The following CPED1 variants were observed in gnomAD, a reference collection of about 807,000 sequenced individuals.
The protein encoded by CPED1 is cadherin-like and PC-esterase domain-containing protein 1.
In CPED1, 114 loss-of-function variants were observed where a neutral mutation model predicts 128.2. The ratio of observed to expected loss-of-function variants is 0.89; its 90% confidence interval spans 0.76 to 1.04. CPED1 has a LOEUF of 1.04. Among genes scored for constraint, CPED1 ranks in the 50% least tolerant of loss-of-function variants. CPED1 has a pLI of 0.00. For synonymous variants in CPED1, 462 were observed against 426.7 expected, an observed-to-expected ratio of 1.08 and a Z score of -1.02; for missense variants, 1,211 against 1,207.1, an observed-to-expected ratio of 1.00 and a Z score of -0.05.
chr7:121,211,617 G>T, intron 16 of CPED1, among the ~76,000 whole-genome samples: 1 of 88,868 alleles, frequency 1.1e-5, no homozygotes, highest in East Asian at 3.5e-4. Context: ...GCTGTGGATT[G>T]TTGAGAATCA....
chr7:121,150,355 T>C (rs1461049523), intron 16 of CPED1, among the ~76,000 whole-genome samples: 2 of 152,018 alleles, frequency 1.3e-5, no homozygotes, highest in Admixed American at 1.3e-4. Flanking sequence ...TCCAGCTGCA[T>C]CCATGTTGCT....
chr7:121,140,997 G>GTACAT lies in CPED1; in HGVS notation c.1870_1871insTACAT (p.Glu624ValfsTer16). 6.2e-7 allele frequency: 1 copy of GTACAT among 1,610,428 alleles called. No homozygotes were observed. The highest frequency in any genetic ancestry group is 1.1e-5 in the South Asian group (1 of 90,464). On this transcript the variant is annotated frameshift_variant, in exon 15 of 23. Coordinates refer to ENST00000310396, the MANE Select transcript of CPED1 (RefSeq NM_024913.5). LOFTEE classifies it high-confidence loss of function. ...GTGTCTGTGCAAGGTGCACCTGTAC[G>GTACAT]AGCAGGCAGGGCCAAGGTATGAGAT...
intron 3 of CPED1, among the ~76,000 whole-genome samples, chr7:121,018,377 CAG>C (rs1198171884): frequency 6.6e-6 from 1 of 152,084 alleles, no homozygotes; most frequent in Non-Finnish European, 1.5e-5. Context: ...TGTATATCAA[CAG>C]AGAATATGAA....
At chr7:121,203,892 G>C (rs62469350) in intron 16 of CPED1, among the ~76,000 whole-genome samples, 92,543 of 151,896 alleles carry the variant, frequency 0.61, 28,593 homozygotes, top group East Asian at 0.88. Context: ...TCACATGGCA[G>C]GGTTGGCTCT....
intron 2 of CPED1, among the ~76,000 whole-genome samples, chr7:121,008,771 C>T (rs185912576): frequency 1.3e-5 from 2 of 152,262 alleles, no homozygotes; most frequent in Non-Finnish European, 1.5e-5. Context: ...ACTAGCCCTC[C>T]TAGTGAGGGC....
chr7:121,274,542 G>A (rs1792296666), intron 22 of CPED1, among the ~76,000 whole-genome samples: 1 of 152,024 alleles, frequency 6.6e-6, no homozygotes, highest in Non-Finnish European at 1.5e-5. Context: ...TAATGTTTAA[G>A]CTAAAATAAG....
chr7:121,046,683 A>G (rs1563004318), intron 3 of CPED1, among the ~76,000 whole-genome samples: 1 of 152,076 alleles, frequency 6.6e-6, no homozygotes, highest in Non-Finnish European at 1.5e-5. Context: ...AGAATAAAAT[A>G]CTAAATATAA....
chr7:121,182,212 T>TC (rs942748471), intron 16 of CPED1, among the ~76,000 whole-genome samples: 3 of 151,630 alleles, frequency 2.0e-5, no homozygotes, highest in African/African-American at 7.3e-5. Flanking sequence ...TTTTTTTTTT[T>TC]TTTTAGTTTT....
intron 5 of CPED1, among the ~76,000 whole-genome samples, chr7:121,074,346 G>A (rs939893756): frequency 5.9e-5 from 9 of 152,128 alleles, no homozygotes; most frequent in Admixed American, 5.9e-4. Flanking sequence ...ACTGGCAGCT[G>A]GCATTTATCT....
intron 18 of CPED1, 69 bp downstream of exon 18, chr7:121,244,407 G>T (rs1036375077): frequency 1.3e-6 from 2 of 1,531,150 alleles, no homozygotes; most frequent in African/African-American, 2.7e-5. Flanking sequence ...TCGTATAGTT[G>T]TATCTACTAG....
intron 5 of CPED1, among the ~76,000 whole-genome samples, chr7:121,071,198 T>A (rs1236075710): frequency 1.3e-5 from 2 of 152,136 alleles, no homozygotes; most frequent in East Asian, 3.9e-4. Context: ...CACTGAGACA[T>A]CTCTCGGCAA....
chr7:121,098,757 A>AT (rs1794761840), intron 6 of CPED1, among the ~76,000 whole-genome samples: 1 of 49,548 alleles, frequency 2.0e-5, no homozygotes, highest in African/African-American at 7.5e-5. Context: ...AATATATAAA[A>AT]ATATATATAA....
chr7:121,091,093 C>T (rs185304419), intron 5 of CPED1, among the ~76,000 whole-genome samples: 76 of 152,046 alleles, frequency 5.0e-4, no homozygotes, highest in African/African-American at 1.8e-3. Context: ...CAAGCTATTT[C>T]TGTTTTAATT....
chr7:121,065,773 ATCTAAGT>A (rs1363411363), intron 5 of CPED1, among the ~76,000 whole-genome samples: 79 of 152,226 alleles, frequency 5.2e-4, no homozygotes, highest in African/African-American at 1.5e-3. Context: ...TCTCGAGAAC[ATCTAAGT>A]TCTAGGCATT....
intron 16 of CPED1, among the ~76,000 whole-genome samples, chr7:121,216,323 A>C (rs1269812511): frequency 2.0e-5 from 3 of 151,896 alleles, no homozygotes; most frequent in African/African-American, 4.8e-5. Context: ...GAAAAGGAGG[A>C]GGGAAGTAAA....
At chr7:121,154,425 G>C (rs1229226660) in intron 16 of CPED1, among the ~76,000 whole-genome samples, 5 of 151,736 alleles carry the variant, frequency 3.3e-5, no homozygotes, top group Admixed American at 3.3e-4. Context: ...TGTTAGCTGT[G>C]GGCTTGTCAT....
At chr7:121,136,120 A>G (rs200371346) in intron 14 of CPED1, 30 bp downstream of exon 14, 3 of 1,538,278 alleles carry the variant, frequency 2.0e-6, no homozygotes, top group Non-Finnish European at 2.6e-6. Flanking sequence ...TTGTAGCAGC[A>G]TAATAAACAA....
rs756130702 is a variant in CPED1, at chr7:121,059,934, C to A, written c.541-4304C>A. Among the ~76,000 whole-genome samples, 45 of 152,356 alleles carry A rather than the reference C, an allele frequency of 3.0e-4. 1 individual carries two copies. Among genetic ancestry groups the A allele is most frequent in the Middle Eastern group, 6.8e-3 (2 of 294 alleles). ...AGCCCCTTTCTGGGCTGGCCAAGAC[C>A]GGAGCCGTCTCCCTCAGCTTGCAGG... On this transcript the variant is annotated intron_variant, in intron 4 of 22. Coordinates refer to ENST00000310396, the MANE Select transcript of CPED1 (RefSeq NM_024913.5).
intron 5 of CPED1, among the ~76,000 whole-genome samples, chr7:121,095,698 T>C (rs1345242921): frequency 6.6e-6 from 1 of 152,164 alleles, no homozygotes; most frequent in African/African-American, 2.4e-5. Context: ...TTCAGTTTCA[T>C]GTATAGCTCC....
Sources: allele counts gnomAD v4.1 joint callset (sites outside exome capture counted in the v4.1 genomes callset), GRCh38; gene constraint gnomAD v4.1.1; transcripts MANE v1.5; gene names NCBI Gene and HGNC (gene_info 2026-07-23, HGNC 2026-07-21).